MKKS: variants seen among roughly 807,000 people sequenced by gnomAD.
MKKS encodes the protein molecular chaperone MKKS.
In MKKS, 29 loss-of-function variants were observed where a neutral mutation model predicts 33.2. The ratio of observed to expected loss-of-function variants is 0.87; its 90% confidence interval spans 0.65 to 1.19. The LOEUF (loss-of-function observed/expected upper bound fraction) is 1.19, where lower values mean the gene tolerates loss of function less well. Among genes scored for constraint, MKKS ranks in the 50% most tolerant of loss-of-function variants. MKKS has a pLI of 0.00. For missense variants in MKKS, 661 were observed against 662.3 expected (o/e 1.00, Z 0.02); for synonymous variants, 260 against 244.0 (o/e 1.07, Z -0.61).
At chr20:10,410,584 C>T (rs990477527) in intron 3 of MKKS, among the ~76,000 whole-genome samples, 4 of 152,096 alleles carry the variant, frequency 2.6e-5, no homozygotes, top group Admixed American at 2.6e-4. Flanking sequence ...GCCGAGATTG[C>T]GCCACTGCAC....
chr20:10,408,491 T>C (rs1396922474), intron 4 of MKKS, 137 bp downstream of exon 4: 4 of 834,242 alleles, frequency 4.8e-6, no homozygotes, highest in Non-Finnish European at 7.8e-6. Flanking sequence ...TTAGCTTACT[T>C]GTGACTTTGC....
At position 10,412,856 on chromosome 20, in the gene MKKS, A is replaced by G. The variant is rs752587935; in HGVS notation, c.659T>C (p.Ile220Thr). 3.1e-6 allele frequency: 5 copies of G among 1,614,084 alleles called. No individual in the cohort carries two copies. In the African/African-American group the frequency reaches 4.0e-5, roughly 13 times the overall value. Residue 220 changes from isoleucine (I) to threonine (T), a missense_variant, in exon 3 of 6, where the codon ATT (isoleucine) becomes ACT (threonine). Coordinates refer to ENST00000347364, the MANE Select transcript of MKKS (RefSeq NM_170784.3). ...CATTAATTGAACTTCTGACATTTCAATGAGTATCCCAGGTAATACAGTGGA... is the reference window on the plus strand; with the variant it reads ...CATTAATTGAACTTCTGACATTTCAGTGAGTATCCCAGGTAATACAGTGGA... ...IDSTVLPGILIEMSEVQLMRL... is the reference protein window; with the variant it reads ...IDSTVLPGILTEMSEVQLMRL...
At chr20:10,427,579 T>C (rs982402143) in intron 1 of MKKS, among the ~76,000 whole-genome samples, 1 of 152,136 alleles carries the variant, frequency 6.6e-6, no homozygotes, top group Non-Finnish European at 1.5e-5. Context: ...CAAAAGTTAT[T>C]TTTTATCCTC....
In MKKS at chr20:10,412,914, T is replaced by C; in HGVS notation, c.601A>G (p.Ile201Val). The change falls in exon 3 of 6, where the codon ATT (isoleucine) becomes GTT (valine). Residue 201 changes from isoleucine to valine, a missense_variant. Physicochemically the swap from Ile to Val is conservative, Grantham distance 29. Coordinates refer to ENST00000347364, the MANE Select transcript of MKKS (RefSeq NM_170784.3). ...EGHIILGKSL[I>V]VPLKGQRVID... Reference sequence around the variant, plus strand: ...ACTCTTTGACCTTTTAAAGGTACAATTAAACTCTTTCCTAAAATGATGTGG... The same window carrying C: ...ACTCTTTGACCTTTTAAAGGTACAACTAAACTCTTTCCTAAAATGATGTGG... The C allele has an allele frequency of 6.2e-7, 1 of 1,613,684 alleles. No individual in the cohort carries two copies.
intron 3 of MKKS, among the ~76,000 whole-genome samples, chr20:10,411,386 TA>T (rs1478406348): frequency 6.6e-6 from 1 of 152,118 alleles, no homozygotes; most frequent in Non-Finnish European, 1.5e-5. Context: ...TAGCTGGGAC[TA>T]CAGGCATGTA....
chr20:10,423,003 G>A (rs1012791364), intron 1 of MKKS, among the ~76,000 whole-genome samples: 2 of 151,954 alleles, frequency 1.3e-5, no homozygotes, highest in Non-Finnish European at 2.9e-5. Flanking sequence ...GAGCCACTGC[G>A]CCCGGCCCTT....
At position 10,413,092 on chromosome 20, in the gene MKKS, T is replaced by G; in HGVS notation, c.423A>C (p.Pro141=). ...GGATCTGAGTACTACTAAAGTCCAC[T>G]GGGATTCGACAACCACAGGTCTCAG... ...LKSETCGCRI[P]VDFSSTQILL... Residue 141 remains proline (P), a synonymous_variant, in exon 3 of 6, where the codon CCA becomes CCC. Coordinates refer to ENST00000347364, the MANE Select transcript of MKKS (RefSeq NM_170784.3). 6.2e-7 allele frequency: 1 copy of G among 1,614,058 alleles called. No homozygotes were observed. The highest frequency in any genetic ancestry group is 1.1e-5 in the South Asian group (1 of 91,080).
intron 3 of MKKS, 121 bp from the exon 4 acceptor site, chr20:10,408,924 A>G: frequency 1.4e-6 from 1 of 709,336 alleles, no homozygotes; most frequent in South Asian, 1.9e-5. Context: ...TTAAAATATG[A>G]AATACAGGAT....
intron 1 of MKKS, among the ~76,000 whole-genome samples, chr20:10,427,489 T>C (rs1173830766): frequency 6.6e-6 from 1 of 152,248 alleles, no homozygotes; most frequent in Non-Finnish European, 1.5e-5. Context: ...GGAATTGTAC[T>C]ATGCCTTTTC....
rs1298600367 is a variant in MKKS at position 10,408,659 on chromosome 20, T to G, written c.1130A>C (p.Asn377Thr). Residue 377 changes from asparagine (N) to threonine (T), a missense_variant, in exon 4 of 6, where the codon AAC (asparagine) becomes ACC (threonine). Transcript: ENST00000347364. Reference sequence around the variant, plus strand: ...CTCATCCCAGGCAGTGTCATTTCTGTTGCAGAGAAGCAAGCTGCAGATTGT... The same window carrying G: ...CTCATCCCAGGCAGTGTCATTTCTGGTGCAGAGAAGCAAGCTGCAGATTGT... ...EATICSLLLC[N>T]RNDTAWDELK... is the part of the protein sequence containing the mutation. 5 of 1,614,146 alleles carry G rather than the reference T, an allele frequency of 3.1e-6. No individual in the cohort carries two copies. The highest frequency in any genetic ancestry group is 4.2e-6 in the Non-Finnish European group (5 of 1,180,010).
chr20:10,419,453 T>A (rs191157286), intron 2 of MKKS, among the ~76,000 whole-genome samples: 34 of 152,266 alleles, frequency 2.2e-4, no homozygotes, highest in African/African-American at 7.5e-4. Flanking sequence ...AAACTCAATT[T>A]TCATATTAAG....
At chr20:10,407,867 G>T (rs1450326987) in intron 4 of MKKS, 141 bp from the exon 5 acceptor site, 8 of 709,344 alleles carry the variant, frequency 1.1e-5, no homozygotes, top group Non-Finnish European at 1.8e-5. Context: ...TGCCAAGGTT[G>T]TCATGTGATT....
At position 10,403,295 on chromosome 20, in the gene MKKS, C is replaced by G. The variant is rs768298557; in HGVS notation, c.*1952G>C. The G allele has an allele frequency of 6.6e-6, 1 of 152,128 alleles. No homozygotes were observed. The highest frequency in any genetic ancestry group is 2.4e-5 in the African/African-American group (1 of 41,404). The allele number at this position is 152,128 out of a possible 1,614,324, so 9.4% of individuals were successfully genotyped here. ...TCTGCTGTATTCTATTCATTAGAAG[C>G]TAGTCATTAGGTCCCACCTACACCC... On this transcript the variant is annotated 3_prime_UTR_variant, in exon 6 of 6. Transcript: ENST00000347364.
In MKKS at chr20:10,405,091, C is replaced by T. The variant is rs2064831517; in HGVS notation, c.*156G>A. On this transcript the variant is annotated 3_prime_UTR_variant, in exon 6 of 6. Coordinates refer to ENST00000347364, the MANE Select transcript of MKKS (RefSeq NM_170784.3). ...TCATGGCATTTCCATTCACGAATCA[C>T]CTTTTTTCCTAAATAAGTGTATCTA... 2.1e-5 allele frequency: 12 copies of T among 566,400 alleles called. No individual in the cohort carries two copies. The South Asian group carries it at 3.4e-4, about 16-fold the overall frequency. 35.1% of individuals were successfully genotyped at this position (566,400 alleles called of 1,614,324 possible).
At chr20:10,410,266 C>A (rs1390455701) in intron 3 of MKKS, among the ~76,000 whole-genome samples, 1 of 152,096 alleles carries the variant, frequency 6.6e-6, no homozygotes, top group Non-Finnish European at 1.5e-5. Flanking sequence ...ACTTTTCTGC[C>A]TCCCTCACAT....
At chr20:10,406,948 C>T (rs550577978) in intron 5 of MKKS, among the ~76,000 whole-genome samples, 10 of 152,094 alleles carry the variant, frequency 6.6e-5, no homozygotes, top group Non-Finnish European at 1.5e-4. Flanking sequence ...ACACCTATAC[C>T]TTTTTCTATC....
chr20:10,424,582 C>CAA lies in MKKS; in HGVS notation c.-648-3826_-648-3825dup, dbSNP rs879861291. Among the ~76,000 whole-genome samples the CAA allele has an allele frequency of 7.3e-4, 104 of 142,242 alleles. 1 individual carries two copies. Among genetic ancestry groups the CAA allele is most frequent in the African/African-American group, 2.6e-3 (100 of 38,800 alleles). 93.3% of individuals were successfully genotyped at this position (142,242 alleles called of 152,430 possible). ...CTAGCAAAGCTCATTGCTAGTTTTA[C>CAA]AAAAAAAAAAATAGTTTTCAAATTT... On this transcript the variant is annotated intron_variant, in intron 1 of 5. Coordinates refer to ENST00000347364, the MANE Select transcript of MKKS (RefSeq NM_170784.3).
chr20:10,432,475 A>T (rs1440129789), intron 1 of MKKS, among the ~76,000 whole-genome samples: 2 of 152,168 alleles, frequency 1.3e-5, no homozygotes, highest in Non-Finnish European at 2.9e-5. Context: ...ACCCAAATCC[A>T]GATGCTCAGG....
intron 2 of MKKS, among the ~76,000 whole-genome samples, chr20:10,418,540 A>C (rs1250872282): frequency 6.6e-6 from 1 of 152,150 alleles, no homozygotes; most frequent in African/African-American, 2.4e-5. Context: ...AGCCTGTTTA[A>C]ATATCTGCTT....
Sources: gnomAD v4.1 joint callset for allele counts (sites outside exome capture counted in the v4.1 genomes callset) on GRCh38, gnomAD v4.1.1 for gene constraint, MANE v1.5 for transcripts, NCBI Gene and HGNC (gene_info 2026-07-23, HGNC 2026-07-21) for gene names.